Variants in OPA1 observed in about 807,000 individuals in gnomAD.
OPA1 encodes OPA1 mitochondrial dynamin like GTPase, also known as dynamin-like GTPase OPA1, mitochondrial.
OPA1 carries 59 observed loss-of-function variants against 152.9 expected under a neutral mutation model. That is an observed-to-expected ratio of 0.39 (90% CI 0.31 to 0.48). OPA1 has a LOEUF of 0.48. OPA1 is among the 20% of genes least tolerant of loss of function. OPA1 has a pLI of 0.96. For synonymous variants in OPA1, 400 were observed against 389.9 expected (o/e 1.03, Z -0.31); for missense variants, 1,008 against 1,216.8 (o/e 0.83, Z 2.55).
chr3:193,668,642 TCTC>T lies in OPA1; in HGVS notation c.2983+1366_2983+1368del, dbSNP rs1299283304. 11 of 1,514,728 alleles carry T rather than the reference TCTC, an allele frequency of 7.3e-6. No individual in the cohort carries two copies. The South Asian group carries it at 1.3e-4, about 19-fold the overall frequency. The allele number at this position is 1,514,728 out of a possible 1,614,324, so 93.8% of individuals were successfully genotyped here. On this transcript the variant is annotated intron_variant, in intron 29 of 30. Coordinates refer to ENST00000361510, the MANE Select transcript of OPA1 (RefSeq NM_130837.3). ...CCAGGCCACCCTCCTGCACAGATACTCTCCTCAGTACTGGACCAGGCTACCAAC... is the reference window on the plus strand; with the variant it reads ...CCAGGCCACCCTCCTGCACAGATACTCTCAGTACTGGACCAGGCTACCAAC...
In OPA1 at chr3:193,631,620, C is replaced by G; in HGVS notation, c.798C>G (p.Asp266Glu). 6.2e-7 allele frequency: 1 copy of G among 1,609,860 alleles called. No individual in the cohort carries two copies. Residue 266 changes from aspartate (D) to glutamate (E), a missense_variant, in exon 8 of 31, where the codon GAC becomes GAG. Physicochemically the swap from Asp to Glu is conservative, Grantham distance 45 (BLOSUM62 2). This residue lies in a region of OPA1 where 408 missense variants were observed against 395.1 expected (regional missense o/e 1.03). Coordinates refer to ENST00000361510, the MANE Select transcript of OPA1 (RefSeq NM_130837.3). Reference sequence around the variant, plus strand: ...TTATTTTAAACATTTAGGTGTCAGACAAAGAGAAAATTGACCAACTTCAGG... The same window carrying G: ...TTATTTTAAACATTTAGGTGTCAGAGAAAGAGAAAATTGACCAACTTCAGG... ...SYAQQKRKVSDKEKIDQLQEE... is the reference protein window; with the variant it reads ...SYAQQKRKVSEKEKIDQLQEE...
At position 193,593,405 on chromosome 3, in the gene OPA1, G is replaced by C. The variant is rs1374210167; in HGVS notation, c.28G>C (p.Ala10Pro). 6.5e-7 allele frequency: 1 copy of C among 1,547,776 alleles called. No homozygotes were observed. The highest frequency in any genetic ancestry group is 1.2e-5 in the South Asian group (1 of 83,634). Reference protein sequence around the residue: MWRLRRAAVACEVCQSLVKH... With the variant: MWRLRRAAVPCEVCQSLVKH... ...GTGGCGACTACGTCGGGCCGCTGTG[G>C]CCTGGTAAGTGCAGGCTCTAATCTG... The change falls in exon 1 of 31, where the codon GCC (alanine) becomes CCC (proline). Residue 10 changes from alanine (A) to proline (P), a missense_variant. Physicochemically the swap from Ala to Pro is conservative, Grantham distance 27. This residue lies in a region of OPA1 where 408 missense variants were observed against 395.1 expected (regional missense o/e 1.03). Transcript: ENST00000361510.
At chr3:193,595,782 T>C (rs1383614660) in intron 1 of OPA1, among the ~76,000 whole-genome samples, 1 of 152,160 alleles carries the variant, frequency 6.6e-6, no homozygotes, top group Non-Finnish European at 1.5e-5. Context: ...CTCTCTTATT[T>C]TTTATTATCT....
At chr3:193,615,266 G>C (rs1453909915) in intron 2 of OPA1, among the ~76,000 whole-genome samples, 1 of 151,602 alleles carries the variant, frequency 6.6e-6, no homozygotes, top group Non-Finnish European at 1.5e-5. Flanking sequence ...CACAGGGCTG[G>C]GAATAGGAAC....
At chr3:193,683,036 T>C (rs1720406808) in intron 29 of OPA1, among the ~76,000 whole-genome samples, 1 of 151,966 alleles carries the variant, frequency 6.6e-6, no homozygotes. Flanking sequence ...TTAGATGCTG[T>C]TAAGACCATT....
At chr3:193,666,503 A>G (rs1716569610) in intron 28 of OPA1, 114 bp downstream of exon 28, 1 of 928,260 alleles carries the variant, frequency 1.1e-6, no homozygotes, top group African/African-American at 1.6e-5. Context: ...TATTAGAAAA[A>G]CTGGCCAGGT....
At chr3:193,654,628 GAAAATAC>G (rs528852184) in intron 21 of OPA1, among the ~76,000 whole-genome samples, 37 of 152,206 alleles carry the variant, frequency 2.4e-4, no homozygotes, top group Admixed American at 3.9e-4. Context: ...TAAATTTCTA[GAAAATAC>G]AAAGTAATCA....
At chr3:193,672,539 A>G (rs1404063915) in intron 29 of OPA1, among the ~76,000 whole-genome samples, 3 of 152,152 alleles carry the variant, frequency 2.0e-5, no homozygotes, top group African/African-American at 7.2e-5. Flanking sequence ...TGACACATTC[A>G]AGGGGCATTA....
intron 1 of OPA1, among the ~76,000 whole-genome samples, chr3:193,597,690 C>CAAAA (rs75168011): frequency 1.2e-5 from 1 of 80,300 alleles, no homozygotes; most frequent in African/African-American, 4.6e-5. Context: ...GACTCCGTTT[C>CAAAA]AAAAAAAAAA....
intron 7 of OPA1, among the ~76,000 whole-genome samples, chr3:193,631,067 T>C (rs1015684902): frequency 2.0e-5 from 3 of 152,214 alleles, no homozygotes; most frequent in Non-Finnish European, 2.9e-5. Flanking sequence ...CTTAAATCTC[T>C]GAAAATGCAA....
chr3:193,671,362 T>G (rs780058476), intron 29 of OPA1, among the ~76,000 whole-genome samples: 13 of 152,070 alleles, frequency 8.5e-5, no homozygotes, highest in South Asian at 4.2e-4. Flanking sequence ...CAAACCCAAG[T>G]TAGAGCACAG....
intron 29 of OPA1, among the ~76,000 whole-genome samples, chr3:193,690,478 T>C (rs1199467901): frequency 6.6e-6 from 1 of 151,092 alleles, no homozygotes; most frequent in Non-Finnish European, 1.5e-5. Context: ...CTGGGCAACA[T>C]AGTGAGACCT....
chr3:193,601,441 C>G (rs1473963877), intron 1 of OPA1, among the ~76,000 whole-genome samples: 1 of 152,204 alleles, frequency 6.6e-6, no homozygotes, highest in African/African-American at 2.4e-5. Flanking sequence ...AGATTCTCCA[C>G]AGACCCAATA....
intron 29 of OPA1, among the ~76,000 whole-genome samples, chr3:193,669,932 G>A (rs1425447088): frequency 1.3e-5 from 2 of 152,098 alleles, no homozygotes; most frequent in Non-Finnish European, 2.9e-5. Context: ...TACTACTTTT[G>A]TACATATAAA....
At chr3:193,648,178 A>T (rs1011528305) in intron 20 of OPA1, 44 bp downstream of exon 20, 1 of 1,456,454 alleles carries the variant, frequency 6.9e-7, no homozygotes, top group African/African-American at 1.4e-5. Flanking sequence ...TCTTAATTTA[A>T]TGTTGTTTGC....
At chr3:193,651,276 G>A (rs528683818) in intron 21 of OPA1, among the ~76,000 whole-genome samples, 1 of 152,292 alleles carries the variant, frequency 6.6e-6, no homozygotes, top group South Asian at 2.1e-4. Flanking sequence ...CTGTAAGCAA[G>A]GAGGCAGTTG....
intron 22 of OPA1, among the ~76,000 whole-genome samples, chr3:193,655,888 C>T (rs1330902466): frequency 6.6e-6 from 1 of 152,158 alleles, no homozygotes; most frequent in Non-Finnish European, 1.5e-5. Flanking sequence ...TTTTGTTTTT[C>T]ATACCTATCT....
chr3:193,638,549 A>T (rs563853817), intron 11 of OPA1, among the ~76,000 whole-genome samples: 6 of 152,322 alleles, frequency 3.9e-5, no homozygotes, highest in Admixed American at 6.5e-5. Flanking sequence ...AGCAAATCTG[A>T]CTAATTTTCA....
intron 22 of OPA1, among the ~76,000 whole-genome samples, chr3:193,655,705 C>T (rs1188661914): frequency 6.6e-6 from 1 of 152,028 alleles, no homozygotes; most frequent in Non-Finnish European, 1.5e-5. Context: ...AGACAATGCC[C>T]AGCCCATGGT....
Sources: gnomAD v4.1 joint callset for allele counts (sites outside exome capture counted in the v4.1 genomes callset) on GRCh38, gnomAD v4.1.1 for gene constraint, gnomAD v4.1.1 regional missense constraint, MANE v1.5 for transcripts, NCBI Gene and HGNC (gene_info 2026-07-23, HGNC 2026-07-21) for gene names.